Variants in TRIO observed in about 807,000 individuals in gnomAD.
TRIO encodes the protein trio Rho guanine nucleotide exchange factor, also known as triple functional domain protein.
Under a neutral mutation model 351.9 loss-of-function variants are expected in TRIO, and 58 were observed. The ratio of observed to expected loss-of-function variants is 0.16; its 90% CI spans 0.13 to 0.21. The LOEUF (loss-of-function observed/expected upper bound fraction) is 0.21. Ranked by LOEUF, TRIO falls within the 10% of genes least tolerant of loss-of-function variation. The probability of loss-of-function intolerance (pLI) is 1.00; values close to 1 mark genes in which losing one functional copy is unlikely to be tolerated. For missense variants in TRIO, 3,201 were observed against 4,027.8 expected (o/e 0.79, Z 5.56); for synonymous variants, 1,758 against 1,595.7 (o/e 1.10, Z -2.42).
chr5:14,350,292 C>T (rs1579397901), intron 11 of TRIO, among the ~76,000 whole-genome samples: 1 of 152,334 alleles, frequency 6.6e-6, no homozygotes, highest in Non-Finnish European at 1.5e-5. Context: ...ACTGTGGCTG[C>T]TCTCCAAATG....
chr5:14,368,596 G>A (rs753384310), intron 16 of TRIO, 112 bp from the exon 17 acceptor site: 7 of 1,199,040 alleles, frequency 5.8e-6, no homozygotes, highest in Non-Finnish European at 7.0e-6. Flanking sequence ...AGTATTAACT[G>A]AAGGTATTTC....
At chr5:14,399,493 A>G in intron 30 of TRIO, 1 of 199,594 alleles carries the variant, frequency 5.0e-6, no homozygotes, top group Non-Finnish European at 1.0e-5. Flanking sequence ...AAATAAATGT[A>G]TGAAATATAA....
chr5:14,304,336 A>G (rs1192606450), intron 7 of TRIO, 125 bp from the exon 8 acceptor site: 4 of 950,214 alleles, frequency 4.2e-6, no homozygotes, highest in Non-Finnish European at 6.2e-6. Flanking sequence ...TGAGATGGAG[A>G]GTCAACCATG....
chr5:14,179,974 G>A (rs150125266), intron 1 of TRIO, among the ~76,000 whole-genome samples: 225 of 151,648 alleles, frequency 1.5e-3, no homozygotes, highest in Non-Finnish European at 2.6e-3. Flanking sequence ...GGTGGCACGC[G>A]CCTATAATCC....
At position 14,387,525 on chromosome 5, in the gene TRIO, T is replaced by A. The variant is rs1287178289; in HGVS notation, c.3658T>A (p.Cys1220Ser). Residue 1220 changes from cysteine (C) to serine (S), a missense_variant, in exon 22 of 57, where the codon TGT (cysteine) becomes AGT (serine). Physicochemically the swap from Cys to Ser is moderately radical, Grantham distance 112 (BLOSUM62 -1). Coordinates refer to ENST00000344204, the MANE Select transcript of TRIO (RefSeq NM_007118.4). ...TGCCCATGCGGCAGAGATAAAAAAA[T>A]GTGTTACTGCTGTGGATAAGAGGTA... is the stretch of plus-strand genomic sequence containing the variant. ...GHAHAAEIKKCVTAVDKRYRD... is the reference protein window; with the variant it reads ...GHAHAAEIKKSVTAVDKRYRD... The A allele has an allele frequency of 6.2e-7, 1 of 1,614,200 alleles. No homozygotes were observed. Among genetic ancestry groups the A allele is most frequent in the Non-Finnish European group, 8.5e-7 (1 of 1,180,032 alleles).
intron 5 of TRIO, among the ~76,000 whole-genome samples, chr5:14,291,788 TA>T (rs57424190): frequency 2.5e-3 from 249 of 100,920 alleles, no homozygotes; most frequent in African/African-American, 9.6e-3. Context: ...GACTCCGTCT[TA>T]AAAAAAAAAA....
At chr5:14,480,995 A>G (rs1460039824) in intron 43 of TRIO, among the ~76,000 whole-genome samples, 3 of 152,042 alleles carry the variant, frequency 2.0e-5, no homozygotes, top group East Asian at 3.9e-4. Context: ...TTTCAGAACT[A>G]AAGTGCTGAA....
intron 46 of TRIO, among the ~76,000 whole-genome samples, chr5:14,483,581 T>A (rs1275429198): frequency 6.6e-6 from 1 of 152,182 alleles, no homozygotes; most frequent in Admixed American, 6.5e-5. Flanking sequence ...AGGCTTTTGT[T>A]GGCTGTCCCC....
intron 21 of TRIO, among the ~76,000 whole-genome samples, chr5:14,382,668 T>C (rs533049656): frequency 9.8e-5 from 15 of 152,382 alleles, no homozygotes; most frequent in African/African-American, 3.6e-4. Context: ...CACACCTGGC[T>C]GGACAGTTTT....
chr5:14,286,432 C>A lies in TRIO; in HGVS notation c.348-439C>A, dbSNP rs1335652294. ...CTGGGAGTCCTGGGGTAACTGCCGT[C>A]CACAGGTCTCAGACTGTCCCCAGTC... On this transcript the variant is annotated intron_variant, in intron 3 of 56. Transcript: ENST00000344204. This position sits in a 1 kb window ranked among gnomAD's most constrained non-coding sequence, Gnocchi z 4.4. Among the ~76,000 whole-genome samples, 1 of 152,100 alleles carries A rather than the reference C, an allele frequency of 6.6e-6. No homozygotes were observed. Among genetic ancestry groups the A allele is most frequent in the Non-Finnish European group, 1.5e-5 (1 of 68,020 alleles).
chr5:14,275,997 C>T (rs1327821060), intron 2 of TRIO, among the ~76,000 whole-genome samples: 1 of 147,472 alleles, frequency 6.8e-6, no homozygotes, highest in Non-Finnish European at 1.5e-5. Flanking sequence ...TACACACACA[C>T]ATATGTGTAT....
At chr5:14,388,851 A>G (rs1454587619) in intron 24 of TRIO, among the ~76,000 whole-genome samples, 172 bp downstream of exon 24, 4 of 151,962 alleles carry the variant, frequency 2.6e-5, no homozygotes, top group African/African-American at 9.7e-5. Context: ...ACTTCTGTAG[A>G]GTTCTAGGTT....
intron 45 of TRIO, among the ~76,000 whole-genome samples, chr5:14,482,107 A>T (rs1451484888): frequency 1.3e-5 from 2 of 152,184 alleles, no homozygotes; most frequent in Admixed American, 6.5e-5. Context: ...TCTTTTAAAA[A>T]TTTGACTACG....
intron 49 of TRIO, among the ~76,000 whole-genome samples, chr5:14,494,130 T>G (rs1756700550): frequency 6.6e-6 from 1 of 152,246 alleles, no homozygotes; most frequent in African/African-American, 2.4e-5. Flanking sequence ...TTATTTACCC[T>G]TCTGAAAATC....
Position 14,388,684 on chromosome 5 carries a change from G to GT in TRIO, c.3948+6dup, listed in dbSNP as rs1295166392. On this transcript the variant is annotated splice_donor_region_variant and intron_variant, in intron 24 of 56. Transcript: ENST00000344204. ...GACCTCCGGGAATGTATGGATGTAA[G>GT]TAAGTTTTTTTTTTTTTTTTTTGCT... 2 of 1,335,810 alleles carry GT rather than the reference G, an allele frequency of 1.5e-6. No homozygotes were observed. Among genetic ancestry groups the GT allele is most frequent in the Admixed American group, 1.9e-5 (1 of 53,814 alleles). 82.7% of individuals were successfully genotyped at this position (1,335,810 alleles called of 1,614,324 possible). A position where few individuals can be genotyped will look rare whatever the true frequency, so the allele number is the denominator to read the frequency against.
At chr5:14,300,454 T>C (rs890642992) in intron 7 of TRIO, among the ~76,000 whole-genome samples, 3 of 152,234 alleles carry the variant, frequency 2.0e-5, no homozygotes, top group African/African-American at 7.2e-5. Flanking sequence ...CAATGGCTGC[T>C]GTAATTGACA....
intron 1 of TRIO, among the ~76,000 whole-genome samples, chr5:14,214,506 T>C (rs1792106835): frequency 6.6e-6 from 1 of 152,180 alleles, no homozygotes; most frequent in Admixed American, 6.5e-5. Context: ...AAATACAGGT[T>C]AGTCTGACAA....
chr5:14,411,646 C>T (rs746404953), intron 33 of TRIO, among the ~76,000 whole-genome samples: 3 of 152,150 alleles, frequency 2.0e-5, no homozygotes, highest in Non-Finnish European at 2.9e-5. Flanking sequence ...CTCACTTTGT[C>T]GCCCAGGCTG....
intron 1 of TRIO, among the ~76,000 whole-genome samples, chr5:14,197,352 C>G (rs1355433694): frequency 6.6e-6 from 1 of 152,192 alleles, no homozygotes; most frequent in Non-Finnish European, 1.5e-5. Context: ...AGTCGCAGAG[C>G]CTTTCTCACA....
Sources: allele counts gnomAD v4.1 joint callset (sites outside exome capture counted in the v4.1 genomes callset), GRCh38; gene constraint gnomAD v4.1.1; non-coding constraint Gnocchi (gnomAD v3.1); transcripts MANE v1.5; gene names NCBI Gene and HGNC (gene_info 2026-07-23, HGNC 2026-07-21).